SYNE1: variants seen among roughly 807,000 people sequenced by gnomAD.
The protein encoded by SYNE1 is spectrin repeat containing nuclear envelope protein 1, also known as nesprin-1.
A neutral mutation model predicts 1,111.0 loss-of-function variants in SYNE1; 616 were observed. The observed-to-expected ratio is 0.55, with a 90% CI of 0.52 to 0.59. The LOEUF is 0.59. Ranked by LOEUF, SYNE1 falls within the 20% of genes least tolerant of loss-of-function variation. SYNE1 has a pLI of 0.00. For synonymous variants in SYNE1, 3,855 were observed against 3,825.8 expected (o/e 1.01, Z -0.28); for missense variants, 10,006 against 10,417.0 (o/e 0.96, Z 1.72).
chr6:152,397,298 G>A (rs2097750113), intron 49 of SYNE1, among the ~76,000 whole-genome samples: 1 of 152,194 alleles, frequency 6.6e-6, no homozygotes. Context: ...CAGGGTTCAT[G>A]TGAGATCCTC....
intron 93 of SYNE1, among the ~76,000 whole-genome samples, chr6:152,297,828 C>T (rs1370071553): frequency 3.4e-5 from 5 of 145,020 alleles, no homozygotes; most frequent in East Asian, 2.0e-4. Context: ...TGTGTGCGCG[C>T]GCACGTGGCT....
intron 12 of SYNE1, among the ~76,000 whole-genome samples, chr6:152,486,130 G>A (rs530881822): frequency 6.6e-6 from 1 of 152,076 alleles, no homozygotes; most frequent in African/African-American, 2.4e-5. Flanking sequence ...GGGAGGCGGA[G>A]GTTGCAGTGA....
At chr6:152,366,937 A>C (rs913634436) in intron 62 of SYNE1, 3 of 594,792 alleles carry the variant, frequency 5.0e-6, no homozygotes, top group Non-Finnish European at 6.4e-6. Context: ...CCCATAATGA[A>C]TATGTCTGTG....
intron 66 of SYNE1, 97 bp downstream of exon 66, chr6:152,358,276 A>C: frequency 6.5e-7 from 1 of 1,534,138 alleles, no homozygotes; most frequent in Non-Finnish European, 9.0e-7. Context: ...TCAACTAGCC[A>C]CTGGACTCAA....
At chr6:152,318,403 T>G (rs1286559012) in intron 85 of SYNE1, 140 bp from the exon 86 acceptor site, 3 of 990,982 alleles carry the variant, frequency 3.0e-6, no homozygotes, top group Non-Finnish European at 3.0e-6. Flanking sequence ...TCAGGTCATT[T>G]TTGTTTCTTC....
rs1289476436 is a variant in SYNE1, at chr6:152,427,768, T to G, written c.5025A>C (p.Glu1675Asp). ...CCATTTCTGGGGAACTGGCTTTAGCTTCACCCCGCTCTAACCAGGTCAAAA... is the reference window on the plus strand; with the variant it reads ...CCATTTCTGGGGAACTGGCTTTAGCGTCACCCCGCTCTAACCAGGTCAAAA... Reference protein sequence around the residue: ...SSFLTWLERGEAKASSPEMDI... With the variant: ...SSFLTWLERGDAKASSPEMDI... The change falls in exon 38 of 146, where the codon GAA becomes GAC. Residue 1675 changes from glutamate (E) to aspartate (D), a missense_variant. By Grantham distance (45) the Glu-to-Asp change is conservative (BLOSUM62 2). Transcript: ENST00000367255. 6.2e-7 allele frequency: 1 copy of G among 1,614,160 alleles called. No individual in the cohort carries two copies.
rs751171794 is a variant in SYNE1, at chr6:152,396,757, T to C, written c.7556+18A>G. On this transcript the variant is annotated intron_variant, in intron 50 of 145. Transcript: ENST00000367255. ...CACTTGGTGTATGATGAAATCTATG[T>C]TTGTTAAACTAACCTACCTTCCAAG... is the stretch of plus-strand genomic sequence containing the variant. The C allele has an allele frequency of 9.3e-6, 15 of 1,610,682 alleles. No homozygotes were observed. In the South Asian group the frequency reaches 1.6e-4, roughly 18 times the overall value.
intron 98 of SYNE1, among the ~76,000 whole-genome samples, chr6:152,272,651 CAT>C (rs2093298521): frequency 6.6e-6 from 1 of 152,132 alleles, no homozygotes; most frequent in South Asian, 2.1e-4. Context: ...AACAAAAAAG[CAT>C]AGTCATTCAC....
intron 53 of SYNE1, among the ~76,000 whole-genome samples, chr6:152,389,148 C>T (rs1254580002): frequency 6.6e-6 from 1 of 152,154 alleles, no homozygotes; most frequent in East Asian, 1.9e-4. Flanking sequence ...CCGTGGATAA[C>T]TGTAGTGTTA....
At position 152,133,500 on chromosome 6, in the gene SYNE1, A is replaced by C. The variant is rs775060646; in HGVS notation, c.25789-12T>G. 2.5e-6 allele frequency: 4 copies of C among 1,613,428 alleles called. No individual in the cohort carries two copies. The highest frequency in any genetic ancestry group is 3.4e-6 in the Non-Finnish European group (4 of 1,179,640). On this transcript the variant is annotated splice_polypyrimidine_tract_variant and intron_variant, in intron 142 of 145. Coordinates refer to ENST00000367255, the MANE Select transcript of SYNE1 (RefSeq NM_182961.4). ...TCATGCTTTATTTGCTATGCATACA[A>C]AAACAAATTAATTTTTCTAAGCATT...
At position 152,281,787 on chromosome 6, in the gene SYNE1, C is replaced by G. The variant is rs1161222088; in HGVS notation, c.18381+20G>C. The G allele has an allele frequency of 1.9e-6, 3 of 1,613,856 alleles. No homozygotes were observed. The highest frequency in any genetic ancestry group is 2.5e-6 in the Non-Finnish European group (3 of 1,179,930). ...TGTGCTTCATGATGTTGACATATTC[C>G]TTTGAGACCATTTTGGTACCTGGCA... On this transcript the variant is annotated intron_variant, in intron 97 of 145. Transcript: ENST00000367255.
At chr6:152,508,971 C>T (rs994538191) in intron 8 of SYNE1, among the ~76,000 whole-genome samples, 1 of 152,012 alleles carries the variant, frequency 6.6e-6, no homozygotes, top group Non-Finnish European at 1.5e-5. Context: ...ATAGAACTCC[C>T]TATGTTTAGT....
chr6:152,436,998 C>T (rs1433504335), intron 32 of SYNE1, among the ~76,000 whole-genome samples: 2 of 150,976 alleles, frequency 1.3e-5, no homozygotes, highest in African/African-American at 4.9e-5. Context: ...AGACCTCCAT[C>T]TCTAGGGAAA....
At chr6:152,631,006 T>G (rs1377941605) in intron 2 of SYNE1, among the ~76,000 whole-genome samples, 1 of 152,192 alleles carries the variant, frequency 6.6e-6, no homozygotes, top group African/African-American at 2.4e-5. Flanking sequence ...GTGCCAGAGC[T>G]CAATGCTGGG....
intron 3 of SYNE1, among the ~76,000 whole-genome samples, chr6:152,613,777 C>T (rs1281557278): frequency 6.6e-6 from 1 of 151,606 alleles, no homozygotes; most frequent in Non-Finnish European, 1.5e-5. Flanking sequence ...AGTACTGGTA[C>T]CAAAACAGAT....
rs910288717 is a variant in SYNE1, at chr6:152,475,492, A to G, written c.1351-3079T>C. Among the ~76,000 whole-genome samples the G allele has an allele frequency of 3.3e-5, 5 of 152,212 alleles. No individual in the cohort carries two copies. The East Asian group carries it at 5.8e-4, about 18-fold the overall frequency. On this transcript the variant is annotated intron_variant, in intron 14 of 145. Coordinates refer to ENST00000367255, the MANE Select transcript of SYNE1 (RefSeq NM_182961.4). ...CATATCTCATGTCATTGCTGAATGT[A>G]TATTGCTTTTGCACCACTGTAAAGT...
intron 54 of SYNE1, among the ~76,000 whole-genome samples, chr6:152,386,859 G>A (rs2097533745): frequency 6.6e-6 from 1 of 152,076 alleles, no homozygotes; most frequent in Non-Finnish European, 1.5e-5. Flanking sequence ...TGTAGAAAGA[G>A]AAAAATGAAT....
Position 152,337,001 on chromosome 6 carries a change from A to G in SYNE1, c.12368T>C (p.Val4123Ala), listed in dbSNP as rs139940366. 5.6e-6 allele frequency: 9 copies of G among 1,613,712 alleles called. No homozygotes were observed. In the African/African-American group the frequency reaches 1.1e-4, roughly 19 times the overall value. The change falls in exon 76 of 146, where the codon GTC becomes GCC. Residue 4123 changes from valine to alanine, a missense_variant. This residue lies in a region of SYNE1 where 4,955 missense variants were observed against 5,017.2 expected (regional missense o/e 0.99). Transcript: ENST00000367255. The stretch of plus-strand genomic sequence containing the variant: ...GCCCTGAGTTAAGTTCTGGGCCTGG[A>G]CAAGCTTTTGTTCAATCTTGAGAAA... ...QTEQTIEQKL[V>A]QAQNLTQGWE... is the part of the protein sequence containing the mutation.
chr6:152,502,886 G>C, intron 9 of SYNE1, 144 bp from the exon 10 acceptor site: 1 of 649,872 alleles, frequency 1.5e-6, no homozygotes, highest in Non-Finnish European at 2.7e-6. Context: ...GGACGGGGAG[G>C]AGGGTAAACC....
Sources: gnomAD v4.1 joint callset for allele counts (sites outside exome capture counted in the v4.1 genomes callset) on GRCh38, gnomAD v4.1.1 for gene constraint, gnomAD v4.1.1 regional missense constraint, MANE v1.5 for transcripts, NCBI Gene and HGNC (gene_info 2026-07-23, HGNC 2026-07-21) for gene names.